Variants in ANO4 observed in about 807,000 individuals in gnomAD.
The protein encoded by ANO4 is anoctamin-4.
ANO4 carries 69 observed loss-of-function variants against 141.9 expected under a neutral mutation model. That is an observed-to-expected ratio of 0.49 (90% confidence interval 0.40 to 0.59). The LOEUF is 0.59. ANO4 is among the 20% of genes least tolerant of loss of function. The pLI, the probability that ANO4 is intolerant of heterozygous loss-of-function variation, is 0.00. For synonymous variants in ANO4, 350 were observed against 394.3 expected (o/e 0.89, Z 1.33); for missense variants, 894 against 1,162.2 (o/e 0.77, Z 3.36).
At chr12:100,903,442 A>G (rs1159159645) in intron 2 of ANO4, among the ~76,000 whole-genome samples, 1 of 152,176 alleles carries the variant, frequency 6.6e-6, no homozygotes, top group East Asian at 1.9e-4. Context: ...TACCAATTAC[A>G]GGGTCCAGTT....
intron 1 of ANO4, among the ~76,000 whole-genome samples, chr12:100,860,452 C>G (rs565800587): frequency 6.6e-6 from 1 of 152,182 alleles, no homozygotes; most frequent in Non-Finnish European, 1.5e-5. Context: ...CTGCCAGCTC[C>G]TATTTTATCT....
At chr12:100,745,762 GAA>G (rs1033303865) in intron 3 of ANO4, among the ~76,000 whole-genome samples, 5 of 152,180 alleles carry the variant, frequency 3.3e-5, no homozygotes, top group Non-Finnish European at 7.3e-5. Flanking sequence ...GGCAATGACT[GAA>G]AGTTTCCCCA....
chr12:100,917,661 C>T (rs575397651), intron 2 of ANO4, among the ~76,000 whole-genome samples: 9 of 152,216 alleles, frequency 5.9e-5, no homozygotes, highest in Admixed American at 4.6e-4. Context: ...TTTACAGCTC[C>T]CTCTCCTTTG....
chr12:100,965,258 AT>A (rs562499431), intron 5 of ANO4, among the ~76,000 whole-genome samples: 1 of 151,218 alleles, frequency 6.6e-6, no homozygotes, highest in Non-Finnish European at 1.5e-5. Context: ...TAGGCACGGG[AT>A]TTTTTTTTCA....
chr12:100,955,990 A>G (rs911656490), intron 5 of ANO4, among the ~76,000 whole-genome samples: 13 of 152,220 alleles, frequency 8.5e-5, no homozygotes, highest in African/African-American at 2.7e-4. Flanking sequence ...TCATCATGTC[A>G]TCTTGACTTT....
intron 8 of ANO4, among the ~76,000 whole-genome samples, chr12:101,007,737 G>A (rs549070331): frequency 3.9e-5 from 6 of 152,036 alleles, no homozygotes; most frequent in Non-Finnish European, 8.8e-5. Flanking sequence ...TGTTTCATTT[G>A]GAGATAAGGT....
intron 4 of ANO4, among the ~76,000 whole-genome samples, chr12:100,941,912 A>G (rs997564928): frequency 1.9e-4 from 29 of 150,846 alleles, no homozygotes; most frequent in Non-Finnish European, 4.1e-4. Context: ...TTTCCTCTTG[A>G]TTACATTTTT....
At chr12:100,826,806 A>G (rs536765438) in intron 1 of ANO4, among the ~76,000 whole-genome samples, 18 of 152,152 alleles carry the variant, frequency 1.2e-4, no homozygotes, top group Admixed American at 3.3e-4. Context: ...CGTCAATGGC[A>G]ACTACATCCT....
At chr12:100,937,619 T>C (rs970314616) in intron 3 of ANO4, among the ~76,000 whole-genome samples, 12 of 152,212 alleles carry the variant, frequency 7.9e-5, no homozygotes, top group Admixed American at 3.3e-4. Context: ...TCCTATAATA[T>C]ATTGTTTTAG....
At chr12:100,828,680 G>C (rs1317541368) in intron 1 of ANO4, among the ~76,000 whole-genome samples, 2 of 151,976 alleles carry the variant, frequency 1.3e-5, no homozygotes, top group Non-Finnish European at 2.9e-5. Context: ...GCAGGAATCA[G>C]ATAAAAGCAA....
intron 8 of ANO4, among the ~76,000 whole-genome samples, chr12:100,996,646 C>T (rs2045386645): frequency 6.6e-6 from 1 of 152,170 alleles, no homozygotes; most frequent in Admixed American, 6.5e-5. Flanking sequence ...GATTGTGCCA[C>T]TGCACTCCAG....
intron 4 of ANO4, 101 bp downstream of exon 4, chr12:100,939,552 G>A (rs762160234): frequency 4.8e-6 from 6 of 1,262,952 alleles, no homozygotes; most frequent in African/African-American, 1.5e-5. Flanking sequence ...TCATTGAACT[G>A]TAGGCTCTTG....
At chr12:101,098,236 T>G (rs2050060566) in intron 21 of ANO4, among the ~76,000 whole-genome samples, 1 of 152,176 alleles carries the variant, frequency 6.6e-6, no homozygotes, top group African/African-American at 2.4e-5. Flanking sequence ...CCTCTGACCT[T>G]TCGGGCTCCA....
intron 3 of ANO4, among the ~76,000 whole-genome samples, chr12:100,771,423 C>A (rs1203200945): frequency 1.3e-5 from 2 of 152,154 alleles, no homozygotes; most frequent in African/African-American, 2.4e-5. Flanking sequence ...AACAGTCAAG[C>A]CTTTAACTAC....
intron 14 of ANO4, among the ~76,000 whole-genome samples, chr12:101,067,343 G>A (rs548168352): frequency 4.8e-4 from 73 of 152,272 alleles, no homozygotes; most frequent in African/African-American, 1.8e-3. Context: ...TCCAATGTCA[G>A]TAGAATTGAT....
intron 1 of ANO4, among the ~76,000 whole-genome samples, chr12:100,875,886 G>T (rs538177150): frequency 8.5e-5 from 13 of 152,284 alleles, no homozygotes; most frequent in African/African-American, 3.1e-4. Context: ...TTAACAGTTT[G>T]CTCTGGCCAT....
chr12:101,066,949 T>C, intron 14 of ANO4: 1 of 760,356 alleles, frequency 1.3e-6, no homozygotes, highest in Non-Finnish European at 2.4e-6. Context: ...ATGAGGACTT[T>C]GTGTGACTAC....
intron 14 of ANO4, among the ~76,000 whole-genome samples, chr12:101,059,767 CTCTTG>C (rs1409422697): frequency 1.3e-5 from 2 of 152,088 alleles, no homozygotes; most frequent in Non-Finnish European, 2.9e-5. Context: ...TGATTCTTCT[CTCTTG>C]TCTTCTTTAT....
At chr12:100,786,942 G>A (rs762110201) in intron 3 of ANO4, among the ~76,000 whole-genome samples, 1 of 152,052 alleles carries the variant, frequency 6.6e-6, no homozygotes, top group Non-Finnish European at 1.5e-5. Context: ...ATATGTACCA[G>A]GCATCACAAT....
Sources: allele counts gnomAD v4.1 joint callset (sites outside exome capture counted in the v4.1 genomes callset), GRCh38; gene constraint gnomAD v4.1.1; transcripts MANE v1.5; gene names NCBI Gene and HGNC (gene_info 2026-07-23, HGNC 2026-07-21).